SMYD3: variants seen among roughly 807,000 people sequenced by gnomAD.
SMYD3 encodes SET and MYND domain containing 3, also known as histone-lysine N-methyltransferase SMYD3.
In SMYD3, 36 loss-of-function variants were observed where a neutral mutation model predicts 57.7. The ratio of observed to expected loss-of-function variants is 0.62; its 90% CI spans 0.48 to 0.82. The LOEUF (loss-of-function observed/expected upper bound fraction) is 0.82. Among genes scored for constraint, SMYD3 ranks in the 40% least tolerant of loss-of-function variants. The pLI, the probability that SMYD3 is intolerant of heterozygous loss-of-function variation, is 0.00. For synonymous variants in SMYD3, 211 were observed against 195.0 expected (o/e 1.08, Z -0.68); for missense variants, 515 against 538.8 (o/e 0.96, Z 0.44).
chr1:246,215,166 G>C (rs576150097), intron 5 of SMYD3, among the ~76,000 whole-genome samples: 2 of 152,264 alleles, frequency 1.3e-5, no homozygotes, highest in South Asian at 4.1e-4. Flanking sequence ...TGAAACAGCA[G>C]CTTCACTTCC....
intron 10 of SMYD3, among the ~76,000 whole-genome samples, chr1:245,790,795 G>A (rs2047237119): frequency 6.6e-6 from 1 of 152,172 alleles, no homozygotes; most frequent in African/African-American, 2.4e-5. Context: ...GAGTTGTAGA[G>A]CCAGATTTGA....
chr1:246,285,954 G>T (rs1254280110), intron 5 of SMYD3, among the ~76,000 whole-genome samples: 1 of 152,080 alleles, frequency 6.6e-6, no homozygotes, highest in Non-Finnish European at 1.5e-5. Context: ...CCTTTCTCCC[G>T]CAAGAATGGC....
At chr1:246,367,731 C>CA (rs1205443039) in intron 1 of SMYD3, among the ~76,000 whole-genome samples, 1 of 151,740 alleles carries the variant, frequency 6.6e-6, no homozygotes, top group Non-Finnish European at 1.5e-5. Context: ...CATGCCCAGC[C>CA]AAAAAATAAT....
rs189218509 is a variant in SMYD3 at position 246,194,744 on chromosome 1, T to C, written c.531+132457A>G. On this transcript the variant is annotated intron_variant, in intron 5 of 11. Coordinates refer to ENST00000490107, the MANE Select transcript of SMYD3 (RefSeq NM_001167740.2). ...GTCACATTCAACGCATTTCAAGTGT[T>C]TGATACATGAAAACGGCTACTGATT... is the stretch of plus-strand genomic sequence containing the variant. 4.6e-3 allele frequency among the ~76,000 whole-genome samples: 703 copies of C among 152,378 alleles called. 6 individuals carry two copies. Among genetic ancestry groups the C allele is most frequent in the African/African-American group, 0.016 (657 of 41,584 alleles).
chr1:246,353,368 A>T (rs1272652296), intron 2 of SMYD3, among the ~76,000 whole-genome samples: 2 of 151,448 alleles, frequency 1.3e-5, no homozygotes, highest in Non-Finnish European at 2.9e-5. Context: ...CTCCATTAAA[A>T]TTTTTTTTTA....
At chr1:246,120,084 A>G (rs955058313) in intron 5 of SMYD3, among the ~76,000 whole-genome samples, 2 of 152,158 alleles carry the variant, frequency 1.3e-5, no homozygotes, top group Non-Finnish European at 2.9e-5. Context: ...AATATGATCT[A>G]ATGGTAATAA....
chr1:246,185,254 T>TG (rs2062613753), intron 5 of SMYD3, among the ~76,000 whole-genome samples: 1 of 152,134 alleles, frequency 6.6e-6, no homozygotes, highest in Non-Finnish European at 1.5e-5. Context: ...TCCTTTTTTT[T>TG]GGAGGCAGAG....
chr1:245,783,953 A>G (rs1460838549), intron 10 of SMYD3, among the ~76,000 whole-genome samples: 4 of 152,246 alleles, frequency 2.6e-5, no homozygotes, highest in Admixed American at 6.5e-5. Context: ...GAAGTTGTCA[A>G]TTCTCTCCAA....
At chr1:245,891,159 C>T (rs1047209944) in intron 8 of SMYD3, among the ~76,000 whole-genome samples, 2 of 152,082 alleles carry the variant, frequency 1.3e-5, no homozygotes, top group Non-Finnish European at 2.9e-5. Context: ...CTATTTGATA[C>T]AACAGGGTGA....
chr1:245,767,790 G>A (rs145833386), intron 10 of SMYD3, among the ~76,000 whole-genome samples: 2 of 152,294 alleles, frequency 1.3e-5, no homozygotes, highest in East Asian at 3.9e-4. Context: ...CTTGCCAGCA[G>A]TGAGGCCAGG....
chr1:246,320,517 G>T (rs2065228657), intron 5 of SMYD3, among the ~76,000 whole-genome samples: 1 of 152,096 alleles, frequency 6.6e-6, no homozygotes. Flanking sequence ...ACTAACAATG[G>T]CATATGTTCT....
chr1:245,896,148 G>A (rs943431119), intron 8 of SMYD3, among the ~76,000 whole-genome samples: 2 of 152,064 alleles, frequency 1.3e-5, no homozygotes, highest in African/African-American at 4.8e-5. Flanking sequence ...CTCCACAGAC[G>A]GCTGACACTG....
intron 11 of SMYD3, among the ~76,000 whole-genome samples, chr1:245,753,763 C>A (rs2045494897): frequency 6.6e-6 from 1 of 152,244 alleles, no homozygotes; most frequent in South Asian, 2.1e-4. Flanking sequence ...AAATTTCTGA[C>A]AAACGAGAGC....
intron 1 of SMYD3, among the ~76,000 whole-genome samples, chr1:246,392,517 G>C (rs2066589051): frequency 6.6e-6 from 1 of 151,920 alleles, no homozygotes; most frequent in Non-Finnish European, 1.5e-5. Context: ...AGTGCAGTGT[G>C]GCTCACTGCA....
intron 10 of SMYD3, among the ~76,000 whole-genome samples, chr1:245,853,266 C>T (rs1452263287): frequency 2.6e-5 from 4 of 152,166 alleles, no homozygotes; most frequent in African/African-American, 9.7e-5. Context: ...AAACTAGATA[C>T]AACAGCCAAG....
intron 5 of SMYD3, chr1:246,109,702 A>G (rs902342291): frequency 1.3e-5 from 2 of 152,236 alleles, no homozygotes; most frequent in African/African-American, 4.8e-5. Flanking sequence ...GTTTTCAATT[A>G]TTACCAAACT....
At chr1:245,849,654 A>AT (rs1173608249) in intron 10 of SMYD3, among the ~76,000 whole-genome samples, 1 of 122,884 alleles carries the variant, frequency 8.1e-6, no homozygotes, top group African/African-American at 3.0e-5. Flanking sequence ...TTTATTTTAT[A>AT]TTATTTATTT....
intron 8 of SMYD3, among the ~76,000 whole-genome samples, chr1:245,873,669 C>T (rs529646682): frequency 1.6e-4 from 24 of 152,268 alleles, no homozygotes; most frequent in Middle Eastern, 3.4e-3. Flanking sequence ...TTTAAGCTGC[C>T]GCAGAACAGA....
chr1:245,904,363 T>C (rs2054406322), intron 8 of SMYD3, among the ~76,000 whole-genome samples: 1 of 152,170 alleles, frequency 6.6e-6, no homozygotes, highest in Non-Finnish European at 1.5e-5. Flanking sequence ...TGTGAGACAA[T>C]TAAAACTCTC....
Sources: allele counts gnomAD v4.1 joint callset (sites outside exome capture counted in the v4.1 genomes callset), GRCh38; gene constraint gnomAD v4.1.1; transcripts MANE v1.5; gene names NCBI Gene and HGNC (gene_info 2026-07-23, HGNC 2026-07-21).